Variants in RALYL observed in about 807,000 individuals in gnomAD.
RALYL encodes RALY RNA binding protein like.
In RALYL, 29 loss-of-function variants were observed where a neutral mutation model predicts 35.1. That is an observed-to-expected ratio of 0.83 (90% CI 0.61 to 1.13). The LOEUF (loss-of-function observed/expected upper bound fraction) is 1.13, where lower values mean the gene tolerates loss of function less well. RALYL is among the 50% of genes most tolerant of loss of function. The pLI is 0.00. For missense variants in RALYL, 359 were observed against 360.4 expected (o/e 1.00, Z 0.03); for synonymous variants, 120 against 127.6 (o/e 0.94, Z 0.40).
chr8:84,446,809 CTT>C (rs1259460646), intron 1 of RALYL, among the ~76,000 whole-genome samples: 1 of 152,036 alleles, frequency 6.6e-6, no homozygotes, highest in African/African-American at 2.4e-5. Context: ...CCATTCCCCA[CTT>C]ATTAATTATA....
At chr8:84,568,910 TA>T (rs1807178411) in intron 2 of RALYL, among the ~76,000 whole-genome samples, 1 of 151,870 alleles carries the variant, frequency 6.6e-6, no homozygotes, top group Admixed American at 6.6e-5. Context: ...TTTTTTCTTG[TA>T]AATTTGTTTG....
At chr8:84,726,283 T>C (rs1033412374) in intron 2 of RALYL, among the ~76,000 whole-genome samples, 1 of 146,838 alleles carries the variant, frequency 6.8e-6, no homozygotes, top group African/African-American at 2.5e-5. Context: ...TTTATTTATA[T>C]ATTTTTAAAA....
chr8:84,782,923 G>T (rs1487720537), intron 3 of RALYL, among the ~76,000 whole-genome samples: 4 of 149,734 alleles, frequency 2.7e-5, no homozygotes, highest in African/African-American at 9.9e-5. Flanking sequence ...TCTATCCAGT[G>T]ACCTGTTTCT....
intron 1 of RALYL, among the ~76,000 whole-genome samples, chr8:84,339,068 G>A (rs527912176): frequency 2.6e-4 from 40 of 152,146 alleles, no homozygotes; most frequent in African/African-American, 9.6e-4. Flanking sequence ...CTGACGATGG[G>A]GTTAACTAGA....
At chr8:84,336,298 T>G (rs1847792458) in intron 1 of RALYL, among the ~76,000 whole-genome samples, 1 of 152,170 alleles carries the variant, frequency 6.6e-6, no homozygotes, top group African/African-American at 2.4e-5. Flanking sequence ...CTAGAAAATG[T>G]GCAAAACTGC....
intron 2 of RALYL, among the ~76,000 whole-genome samples, chr8:84,637,099 C>A (rs1165885455): frequency 6.6e-6 from 1 of 151,790 alleles, no homozygotes; most frequent in Non-Finnish European, 1.5e-5. Context: ...TGTTATTATA[C>A]TATTTAGGTT....
At chr8:84,556,972 T>A (rs1047031977) in intron 2 of RALYL, among the ~76,000 whole-genome samples, 3 of 152,180 alleles carry the variant, frequency 2.0e-5, no homozygotes, top group Admixed American at 2.0e-4. Flanking sequence ...CATAGCATAA[T>A]TTAGAGAAAG....
chr8:84,186,379 A>G (rs942305870), intron 1 of RALYL, among the ~76,000 whole-genome samples: 4 of 152,196 alleles, frequency 2.6e-5, no homozygotes, highest in Admixed American at 2.0e-4. Context: ...TTCAATTATA[A>G]CAATGTATGT....
chr8:84,474,052 A>G (rs533870737), intron 1 of RALYL, among the ~76,000 whole-genome samples: 1 of 152,224 alleles, frequency 6.6e-6, no homozygotes, highest in Non-Finnish European at 1.5e-5. Flanking sequence ...AACCCATGAC[A>G]TTCTCTTTAT....
chr8:84,480,639 G>A (rs1218670877), intron 1 of RALYL, among the ~76,000 whole-genome samples: 2 of 152,110 alleles, frequency 1.3e-5, no homozygotes, highest in Non-Finnish European at 2.9e-5. Context: ...GCCAAGAAAT[G>A]TGGTGATAAG....
At chr8:84,419,905 A>G (rs1204482170) in intron 1 of RALYL, among the ~76,000 whole-genome samples, 2 of 151,562 alleles carry the variant, frequency 1.3e-5, no homozygotes, top group South Asian at 2.1e-4. Flanking sequence ...ATAGTATTCC[A>G]TGTTGTATAT....
chr8:84,682,031 TGA>T (rs1343036218), intron 2 of RALYL, among the ~76,000 whole-genome samples: 1 of 152,208 alleles, frequency 6.6e-6, no homozygotes, highest in African/African-American at 2.4e-5. Context: ...CCTAATTTAT[TGA>T]GAGTTTTTAG....
chr8:84,755,402 G>C (rs1410106080), intron 2 of RALYL, among the ~76,000 whole-genome samples: 1 of 152,140 alleles, frequency 6.6e-6, no homozygotes, highest in East Asian at 1.9e-4. Context: ...AAAATGATGT[G>C]TAGCAGTTAC....
At chr8:84,718,158 C>T (rs939294854) in intron 2 of RALYL, among the ~76,000 whole-genome samples, 3 of 152,098 alleles carry the variant, frequency 2.0e-5, no homozygotes, top group Non-Finnish European at 2.9e-5. Flanking sequence ...TAGGGATCTT[C>T]AATCAGATTA....
intron 1 of RALYL, among the ~76,000 whole-genome samples, chr8:84,195,708 CA>C (rs763152940): frequency 1.3e-5 from 2 of 152,096 alleles, no homozygotes; most frequent in South Asian, 4.2e-4. Flanking sequence ...CATTGTATTC[CA>C]AAGCCAGGAA....
chr8:84,902,530 C>T (rs1845866819), intron 8 of RALYL, among the ~76,000 whole-genome samples: 1 of 152,104 alleles, frequency 6.6e-6, no homozygotes. Flanking sequence ...TGGGCTTAAT[C>T]CCTAATAAAA....
chr8:84,425,699 C>T (rs1036548689), intron 1 of RALYL, among the ~76,000 whole-genome samples: 1 of 152,154 alleles, frequency 6.6e-6, no homozygotes, highest in Non-Finnish European at 1.5e-5. Context: ...GGAAGATTGT[C>T]ACTCCAGAGA....
At chr8:84,816,132 T>C (rs565529142) in intron 4 of RALYL, among the ~76,000 whole-genome samples, 1 of 152,184 alleles carries the variant, frequency 6.6e-6, no homozygotes, top group East Asian at 1.9e-4. Context: ...AAAACCAGTC[T>C]TGCCTTGAAA....
At chr8:84,191,620 G>T (rs1241495271) in intron 1 of RALYL, among the ~76,000 whole-genome samples, 1 of 152,168 alleles carries the variant, frequency 6.6e-6, no homozygotes, top group East Asian at 1.9e-4. Flanking sequence ...AGACAAATAA[G>T]GCTGTATCAT....
Sources: gnomAD v4.1 joint callset for allele counts (sites outside exome capture counted in the v4.1 genomes callset) on GRCh38, gnomAD v4.1.1 for gene constraint, MANE v1.5 for transcripts, NCBI Gene and HGNC (gene_info 2026-07-23, HGNC 2026-07-21) for gene names.